The following POU2F3 variants were observed in gnomAD, a reference collection of about 807,000 sequenced individuals.
The protein encoded by POU2F3 is POU domain, class 2, transcription factor 3.
POU2F3 carries 23 observed loss-of-function variants against 59.2 expected under a neutral mutation model. The ratio of observed to expected loss-of-function variants is 0.39; its 90% CI spans 0.28 to 0.55. POU2F3 has a LOEUF of 0.55. Ranked by LOEUF, POU2F3 falls within the 20% of genes least tolerant of loss-of-function variation. POU2F3 has a pLI of 0.66. For missense variants in POU2F3, 473 were observed against 544.5 expected (o/e 0.87, Z 1.31); for synonymous variants, 190 against 214.6 (o/e 0.89, Z 1.00).
At chr11:120,248,752 G>T (rs1454583603) in intron 2 of POU2F3, among the ~76,000 whole-genome samples, 1 of 152,178 alleles carries the variant, frequency 6.6e-6, no homozygotes, top group Non-Finnish European at 1.5e-5. Flanking sequence ...AGAAGAAAGA[G>T]GTGGCTAATT....
chr11:120,264,190 T>TACACACACACACAC (rs35186745), intron 2 of POU2F3, among the ~76,000 whole-genome samples: 17 of 133,124 alleles, frequency 1.3e-4, no homozygotes, highest in African/African-American at 4.5e-4. Flanking sequence ...TAAGACCTCA[T>TACACACACACACAC]ACACACACAC....
At chr11:120,289,646 G>A (rs1940951333) in intron 3 of POU2F3, among the ~76,000 whole-genome samples, 1 of 152,162 alleles carries the variant, frequency 6.6e-6, no homozygotes, top group Non-Finnish European at 1.5e-5. Context: ...TGCGACTTTG[G>A]ACAGAGCCGC....
intron 2 of POU2F3, among the ~76,000 whole-genome samples, chr11:120,255,445 C>T (rs546830421): frequency 7.2e-5 from 11 of 151,916 alleles, no homozygotes; most frequent in African/African-American, 2.4e-4. Context: ...TTGCATAGGG[C>T]GATGATTTCC....
At chr11:120,263,351 G>A (rs1157835596) in intron 2 of POU2F3, among the ~76,000 whole-genome samples, 1 of 152,110 alleles carries the variant, frequency 6.6e-6, no homozygotes, top group African/African-American at 2.4e-5. Flanking sequence ...TTATATAGTT[G>A]ATTTTTTTAG....
chr11:120,244,833 C>A (rs1163702785), intron 1 of POU2F3, among the ~76,000 whole-genome samples: 1 of 152,018 alleles, frequency 6.6e-6, no homozygotes, highest in African/African-American at 2.4e-5. Context: ...TGTGTCTGGG[C>A]GGTCCATAGT....
At chr11:120,287,000 A>C (rs1940806966) in intron 3 of POU2F3, among the ~76,000 whole-genome samples, 1 of 152,196 alleles carries the variant, frequency 6.6e-6, no homozygotes, top group Admixed American at 6.5e-5. Context: ...CCTAGATGAC[A>C]GTGACCCATC....
chr11:120,248,720 T>A (rs1938970378), intron 2 of POU2F3, among the ~76,000 whole-genome samples: 1 of 152,222 alleles, frequency 6.6e-6, no homozygotes, highest in Admixed American at 6.5e-5. Context: ...GATCTTCAAA[T>A]TACTGCCTGT....
In POU2F3 at chr11:120,305,643, G is replaced by T. The variant is rs1215918875; in HGVS notation, c.628-1G>T. ...TCCTCCCCCTCGGTCCCCACGCTTA[G>T]GGAGATGTGGGGCTGGCGATGGGAA... is the stretch of plus-strand genomic sequence containing the variant. On this transcript the variant is annotated splice_acceptor_variant, in intron 7 of 12. Coordinates refer to ENST00000543440, the MANE Select transcript of POU2F3 (RefSeq NM_014352.4). LOFTEE classifies it high-confidence loss of function. 1 of 1,613,766 alleles carries T rather than the reference G, an allele frequency of 6.2e-7. No individual in the cohort carries two copies. The highest frequency in any genetic ancestry group is 8.5e-7 in the Non-Finnish European group (1 of 1,180,012).
intron 3 of POU2F3, among the ~76,000 whole-genome samples, chr11:120,270,405 T>C (rs1222354635): frequency 6.6e-6 from 1 of 152,076 alleles, no homozygotes; most frequent in Admixed American, 6.5e-5. Context: ...TAAAATCAAA[T>C]AGAAATAGGA....
intron 2 of POU2F3, among the ~76,000 whole-genome samples, chr11:120,254,341 A>G (rs1939243167): frequency 6.6e-6 from 1 of 152,148 alleles, no homozygotes; most frequent in African/African-American, 2.4e-5. Flanking sequence ...TTCAGACCCC[A>G]GAGTTGGGGG....
chr11:120,309,054 C>A (rs1461052899), intron 9 of POU2F3, among the ~76,000 whole-genome samples: 1 of 150,496 alleles, frequency 6.6e-6, no homozygotes, highest in Admixed American at 6.6e-5. Context: ...CTCTACCTGC[C>A]CCACATAACT....
At chr11:120,288,127 C>CAAAA (rs1491240764) in intron 3 of POU2F3, among the ~76,000 whole-genome samples, 6 of 7,646 alleles carry the variant, frequency 7.8e-4, no homozygotes, top group African/African-American at 2.0e-3. Context: ...AACAAAAAAA[C>CAAAA]CAAAAAAAAA....
At chr11:120,264,088 G>A (rs778046348) in intron 2 of POU2F3, among the ~76,000 whole-genome samples, 1 of 152,116 alleles carries the variant, frequency 6.6e-6, no homozygotes, top group Admixed American at 6.5e-5. Context: ...TAAGGGATAA[G>A]AGCTGGGCGC....
intron 10 of POU2F3, among the ~76,000 whole-genome samples, chr11:120,310,048 T>C (rs1488695156): frequency 1.3e-5 from 2 of 152,138 alleles, no homozygotes; most frequent in Non-Finnish European, 2.9e-5. Context: ...GCTTTCAGTT[T>C]GGGTAAAATG....
intron 3 of POU2F3, among the ~76,000 whole-genome samples, chr11:120,292,190 A>C (rs1941047024): frequency 6.6e-6 from 1 of 152,120 alleles, no homozygotes; most frequent in African/African-American, 2.4e-5. Context: ...GAGTGAAGTA[A>C]TGTAATATTA....
intron 3 of POU2F3, among the ~76,000 whole-genome samples, chr11:120,276,181 C>A (rs1731441282): frequency 6.6e-6 from 1 of 152,188 alleles, no homozygotes; most frequent in Admixed American, 6.5e-5. Context: ...ACCAAAGCCA[C>A]TGAGCCTGAG....
At chr11:120,238,324 T>TG (rs1207550493), upstream of POU2F3, among the ~76,000 whole-genome samples, 1 of 152,108 alleles carries the variant, frequency 6.6e-6, no homozygotes, top group Non-Finnish European at 1.5e-5. Context: ...TCCATGTGAC[T>TG]GGGGAGGGTG....
chr11:120,238,854 A>T (rs1479252795), upstream of POU2F3, among the ~76,000 whole-genome samples: 2 of 140,504 alleles, frequency 1.4e-5, no homozygotes, highest in East Asian at 2.4e-4. Context: ...AAAAAAAAAA[A>T]AGAACACGGA....
At chr11:120,248,411 G>T (rs1235090502) in intron 2 of POU2F3, among the ~76,000 whole-genome samples, 1 of 152,224 alleles carries the variant, frequency 6.6e-6, no homozygotes, top group African/African-American at 2.4e-5. Context: ...TGGGTTGAGA[G>T]TTACTTGAGA....
Sources: gnomAD v4.1 joint callset for allele counts (sites outside exome capture counted in the v4.1 genomes callset) on GRCh38, gnomAD v4.1.1 for gene constraint, MANE v1.5 for transcripts, NCBI Gene and HGNC (gene_info 2026-07-23, HGNC 2026-07-21) for gene names.